The following CNTNAP4 variants were observed in gnomAD, a reference collection of about 807,000 sequenced individuals.
CNTNAP4 encodes contactin-associated protein-like 4.
In CNTNAP4, 98 loss-of-function variants were observed where a neutral mutation model predicts 148.4. The ratio of observed to expected loss-of-function variants is 0.66; its 90% CI spans 0.56 to 0.78. The LOEUF (loss-of-function observed/expected upper bound fraction) is 0.78, where lower values mean the gene tolerates loss of function less well. Among genes scored for constraint, CNTNAP4 ranks in the 30% least tolerant of loss-of-function variants. The probability of loss-of-function intolerance (pLI) is 0.00; values close to 1 mark genes in which losing one functional copy is unlikely to be tolerated. For synonymous variants in CNTNAP4, 730 were observed against 565.1 expected (o/e 1.29, Z -4.14); for missense variants, 1,935 against 1,565.6 (o/e 1.24, Z -3.98).
chr16:76,545,221 T>A (rs8055168), intron 21 of CNTNAP4, among the ~76,000 whole-genome samples: 6 of 152,172 alleles, frequency 3.9e-5, no homozygotes, highest in Admixed American at 2.6e-4. Flanking sequence ...TGTCATAGAC[T>A]GTCTTCAGTG....
At chr16:76,363,042 A>C (rs918765908) in intron 3 of CNTNAP4, among the ~76,000 whole-genome samples, 8 of 150,148 alleles carry the variant, frequency 5.3e-5, no homozygotes, top group African/African-American at 2.0e-4. Flanking sequence ...GCAATATAGC[A>C]AGACCCATGC....
intron 3 of CNTNAP4, among the ~76,000 whole-genome samples, chr16:76,401,535 A>G (rs2078416863): frequency 6.6e-6 from 1 of 151,978 alleles, no homozygotes; most frequent in African/African-American, 2.4e-5. Flanking sequence ...GATACCTTTT[A>G]TTTCTTTCTC....
chr16:76,527,370 T>C (rs2083788221), intron 17 of CNTNAP4, among the ~76,000 whole-genome samples: 1 of 152,168 alleles, frequency 6.6e-6, no homozygotes. Flanking sequence ...TCTACTTCAA[T>C]CCAATATAAT....
At chr16:76,419,898 G>T (rs112910100) in intron 3 of CNTNAP4, among the ~76,000 whole-genome samples, 2 of 151,930 alleles carry the variant, frequency 1.3e-5, no homozygotes, top group East Asian at 3.9e-4. Flanking sequence ...TCTTATAAGG[G>T]CACTAATTTC....
At chr16:76,518,042 T>G (rs2083314373) in intron 15 of CNTNAP4, among the ~76,000 whole-genome samples, 1 of 152,182 alleles carries the variant, frequency 6.6e-6, no homozygotes, top group Admixed American at 6.5e-5. Flanking sequence ...CTCTTTTACG[T>G]GAATGACTAT....
Position 76,355,751 on chromosome 16 carries a change from T to C in CNTNAP4, c.390+240T>C, listed in dbSNP as rs187378782. ...TCAAAAATTGAAAAATAAACCCTATTAGTCCATTAAATAGTGTGGGAGTCT... is the reference window on the plus strand; with the variant it reads ...TCAAAAATTGAAAAATAAACCCTATCAGTCCATTAAATAGTGTGGGAGTCT... On this transcript the variant is annotated intron_variant, in intron 3 of 23. Transcript: ENST00000611870. Among the ~76,000 whole-genome samples the C allele has an allele frequency of 4.9e-3, 750 of 151,536 alleles. 6 individuals carry two copies. Among genetic ancestry groups the C allele is most frequent in the African/African-American group, 0.018 (735 of 41,476 alleles).
rs1045366580 is a variant in CNTNAP4, at chr16:76,467,431, C to A, written c.1563C>A (p.Ile521=). The change falls in exon 10 of 24, where the codon ATC becomes ATA. Residue 521 remains isoleucine (I), a synonymous_variant. Coordinates refer to ENST00000611870, the MANE Select transcript of CNTNAP4 (RefSeq NM_033401.5). ...AGGGATGTATGAGGCTCATTTCTAT[C>A]AGCGGCAAAGTGGTAGATCTGATTT... is the stretch of plus-strand genomic sequence containing the variant. ...GFQGCMRLIS[I]SGKVVDLISV... is the part of the protein sequence containing the mutation. 6.2e-7 allele frequency: 1 copy of A among 1,613,840 alleles called. No individual in the cohort carries two copies. The highest frequency in any genetic ancestry group is 2.2e-5 in the East Asian group (1 of 44,856).
intron 8 of CNTNAP4, among the ~76,000 whole-genome samples, chr16:76,455,798 G>C (rs897117510): frequency 6.6e-6 from 1 of 152,142 alleles, no homozygotes; most frequent in African/African-American, 2.4e-5. Flanking sequence ...TATATGGCAG[G>C]CTAATTTTTT....
chr16:76,330,666 C>G lies in CNTNAP4; in HGVS notation c.196+14143C>G, dbSNP rs1461270494. On this transcript the variant is annotated intron_variant, in intron 2 of 23. Transcript: ENST00000611870. ...AACAGTATAGTTTCTCTTAGCTAGC[C>G]CGTCTTTGCTTAATTTGTGTGCTAT... 2.0e-5 allele frequency among the ~76,000 whole-genome samples: 3 copies of G among 152,138 alleles called. No individual in the cohort carries two copies. The East Asian group carries it at 5.8e-4, about 29-fold the overall frequency.
At chr16:76,335,938 T>G (rs1170429899) in intron 2 of CNTNAP4, among the ~76,000 whole-genome samples, 1 of 152,102 alleles carries the variant, frequency 6.6e-6, no homozygotes, top group African/African-American at 2.4e-5. Flanking sequence ...AGCTGCTTGA[T>G]TATCATAGGA....
chr16:76,545,056 A>G (rs2084649106), intron 21 of CNTNAP4, among the ~76,000 whole-genome samples: 1 of 152,240 alleles, frequency 6.6e-6, no homozygotes, highest in Admixed American at 6.5e-5. Flanking sequence ...ATATATCATG[A>G]AATAATTTTC....
intron 3 of CNTNAP4, among the ~76,000 whole-genome samples, chr16:76,379,326 C>T (rs1465998481): frequency 6.6e-6 from 1 of 152,152 alleles, no homozygotes; most frequent in African/African-American, 2.4e-5. Flanking sequence ...TCTTACCCCA[C>T]CTCCCTACAA....
intron 3 of CNTNAP4, among the ~76,000 whole-genome samples, chr16:76,358,762 A>C (rs749107230): frequency 6.6e-6 from 1 of 152,230 alleles, no homozygotes; most frequent in Non-Finnish European, 1.5e-5. Flanking sequence ...GACTTAGTAC[A>C]ATAGACACCA....
intron 15 of CNTNAP4, among the ~76,000 whole-genome samples, chr16:76,515,030 C>G (rs1433544376): frequency 6.6e-6 from 1 of 152,050 alleles, no homozygotes; most frequent in African/African-American, 2.4e-5. Context: ...ATCTAAAAAT[C>G]TAAACATTTT....
chr16:76,336,577 C>G (rs1037999798), intron 2 of CNTNAP4, among the ~76,000 whole-genome samples: 1 of 152,128 alleles, frequency 6.6e-6, no homozygotes, highest in Non-Finnish European at 1.5e-5. Flanking sequence ...TGTAAAAGAC[C>G]TGAACCAGGT....
intron 12 of CNTNAP4, among the ~76,000 whole-genome samples, chr16:76,484,521 C>T (rs1214166401): frequency 6.6e-6 from 1 of 151,976 alleles, no homozygotes; most frequent in African/African-American, 2.4e-5. Flanking sequence ...GTGAGAAATA[C>T]GTGTTACTAC....
At chr16:76,338,608 G>T (rs553020741) in intron 2 of CNTNAP4, among the ~76,000 whole-genome samples, 2 of 152,228 alleles carry the variant, frequency 1.3e-5, no homozygotes, top group East Asian at 1.9e-4. Context: ...TTCCATTTCA[G>T]TCCCTCTTGT....
At chr16:76,329,700 GCTA>G (rs1291066774) in intron 2 of CNTNAP4, among the ~76,000 whole-genome samples, 1 of 152,056 alleles carries the variant, frequency 6.6e-6, no homozygotes, top group African/African-American at 2.4e-5. Flanking sequence ...GTTATTTTCT[GCTA>G]CTTTTTTCTT....
chr16:76,501,667 C>T (rs533933550), intron 15 of CNTNAP4, among the ~76,000 whole-genome samples: 1 of 152,194 alleles, frequency 6.6e-6, no homozygotes, highest in Admixed American at 6.5e-5. Flanking sequence ...AGACGGCTCT[C>T]CACAGAGAAG....
Sources: allele counts gnomAD v4.1 joint callset (sites outside exome capture counted in the v4.1 genomes callset), GRCh38; gene constraint gnomAD v4.1.1; transcripts MANE v1.5; gene names NCBI Gene and HGNC (gene_info 2026-07-23, HGNC 2026-07-21).